SGO1: variants seen among roughly 807,000 people sequenced by gnomAD.
SGO1 encodes the protein serologically defined breast cancer antigen NY-BR-85.
In SGO1, 39 loss-of-function variants were observed where a neutral mutation model predicts 50.5. The ratio of observed to expected loss-of-function variants is 0.77; its 90% CI spans 0.60 to 1.01. The LOEUF is 1.01. SGO1 is among the 50% of genes least tolerant of loss of function. The pLI, the probability that SGO1 is intolerant of heterozygous loss-of-function variation, is 0.00. For missense variants in SGO1, 638 were observed against 606.0 expected (o/e 1.05, Z -0.55); for synonymous variants, 191 against 205.1 (o/e 0.93, Z 0.59).
upstream of SGO1, chr3:20,186,425 G>T (rs1434230735): frequency 6.6e-6 from 1 of 152,310 alleles, no homozygotes; most frequent in African/African-American, 2.4e-5. Flanking sequence ...AGAGTCGTGG[G>T]GATTTTACGG....
chr3:20,176,494 A>C (rs1701403278), intron 5 of SGO1, 107 bp downstream of exon 5: 1 of 713,026 alleles, frequency 1.4e-6, no homozygotes, highest in Non-Finnish European at 2.3e-6. Flanking sequence ...CAGATGAACA[A>C]ATTTAAAAAG....
intron 3 of SGO1, 101 bp from the exon 4 acceptor site, chr3:20,178,448 C>T: frequency 1.2e-6 from 1 of 831,222 alleles, no homozygotes; most frequent in South Asian, 1.5e-5. Context: ...TATCATGGTG[C>T]CATGCCATGG....
chr3:20,184,064 G>A, intron 1 of SGO1, 30 bp from the exon 2 acceptor site: 1 of 1,517,846 alleles, frequency 6.6e-7, no homozygotes, highest in Non-Finnish European at 8.8e-7. Context: ...TTTTCTCAGA[G>A]AGAATATTAT....
intron 4 of SGO1, 62 bp from the exon 5 acceptor site, chr3:20,176,721 T>G: frequency 9.1e-7 from 1 of 1,096,458 alleles, no homozygotes; most frequent in Admixed American, 2.5e-5. Flanking sequence ...AAATTCAGTA[T>G]TTTCCTAAAT....
downstream of SGO1, among the ~76,000 whole-genome samples, chr3:20,166,575 G>A (rs1700313474): frequency 6.6e-6 from 1 of 152,156 alleles, no homozygotes; most frequent in South Asian, 2.1e-4. Flanking sequence ...CAGAGGTTGG[G>A]AGAGAGGGGA....
chr3:20,175,729 G>A (rs1251056180), intron 5 of SGO1, among the ~76,000 whole-genome samples: 1 of 151,678 alleles, frequency 6.6e-6, no homozygotes. Context: ...AACCCAGGAG[G>A]CAGAGCTTGT....
exon 9 of SGO1, chr3:20,161,063 A>C: frequency 1.2e-6 from 2 of 1,612,710 alleles, no homozygotes; most frequent in South Asian, 2.2e-5. Flanking sequence ...TAGTGAATGC[A>C]TGGACTAAAA....
chr3:20,169,206 C>T, downstream of SGO1: 3 of 985,142 alleles, frequency 3.0e-6, no homozygotes, highest in Non-Finnish European at 3.6e-6. Flanking sequence ...AGGATTAGAA[C>T]AGTCCCTCAA....
At chr3:20,176,022 G>A (rs1701346908) in intron 5 of SGO1, among the ~76,000 whole-genome samples, 2 of 152,126 alleles carry the variant, frequency 1.3e-5, no homozygotes, top group Admixed American at 6.6e-5. Context: ...GAAAAGTGGG[G>A]CTATGTCTGG....
rs2125300665 is a variant in SGO1 at position 20,174,347 on chromosome 3, T to A, written c.1184A>T (p.Asn395Ile). ...TCKYIQNPTS[N>I]SDRPVTRPLA... ...AGGCCTGGTGACTGGTCTATCTGAA[T>A]TGCTCGTGGGATTCTGAATGTACTT... Residue 395 changes from asparagine to isoleucine, a missense_variant, in exon 6 of 8, where the codon AAT becomes ATT. Coordinates refer to ENST00000412997, the MANE Select transcript of SGO1 (RefSeq NM_001199251.3). 1 of 1,614,190 alleles carries A rather than the reference T, an allele frequency of 6.2e-7. No homozygotes were observed. The highest frequency in any genetic ancestry group is 8.5e-7 in the Non-Finnish European group (1 of 1,180,034).
At chr3:20,185,907 A>C (rs1249640008) in intron 1 of SGO1, 41 bp downstream of exon 1, 5 of 152,114 alleles carry the variant, frequency 3.3e-5, no homozygotes. Flanking sequence ...CTGAAAACCG[A>C]AGGGAAGTCA....
At chr3:20,184,804 A>G (rs116788825) in intron 1 of SGO1, among the ~76,000 whole-genome samples, 9,176 of 141,060 alleles carry the variant, frequency 0.065, 887 homozygotes, top group African/African-American at 0.22. Context: ...TATTAAATAC[A>G]TAACTATACT....
At position 20,176,672 on chromosome 3, in the gene SGO1, C is replaced by T. The variant is rs761902707; in HGVS notation, c.417-13G>A. The T allele has an allele frequency of 1.3e-6, 2 of 1,509,258 alleles. No homozygotes were observed. Among genetic ancestry groups the T allele is most frequent in the African/African-American group, 2.8e-5 (2 of 70,796 alleles). 93.5% of individuals were successfully genotyped at this position (1,509,258 alleles called of 1,614,324 possible). Reference sequence around the variant, plus strand: ...AAGAGGAATTTGCCTTAGAAAATACCAATGAAAAACAGAAATTTAACAATT... The same window carrying T: ...AAGAGGAATTTGCCTTAGAAAATACTAATGAAAAACAGAAATTTAACAATT... On this transcript the variant is annotated splice_polypyrimidine_tract_variant and intron_variant, in intron 4 of 7. Transcript: ENST00000412997.
upstream of SGO1, chr3:20,186,760 C>T (rs1049171439): frequency 6.6e-6 from 1 of 152,216 alleles, no homozygotes; most frequent in African/African-American, 2.4e-5. Context: ...CACCAACATC[C>T]ATCCAGTTAC....
downstream of SGO1, among the ~76,000 whole-genome samples, chr3:20,166,457 T>C (rs543950757): frequency 3.9e-5 from 6 of 152,320 alleles, no homozygotes; most frequent in South Asian, 2.1e-4. Flanking sequence ...CTTGCGATTA[T>C]TATGCTAACT....
At chr3:20,161,915 A>G (rs1222553924) in intron 8 of SGO1, among the ~76,000 whole-genome samples, 1 of 152,220 alleles carries the variant, frequency 6.6e-6, no homozygotes, top group Non-Finnish European at 1.5e-5. Context: ...AAATTGTGCA[A>G]TAGCTAGTAT....
In SGO1 at chr3:20,174,537, T is replaced by C; in HGVS notation, c.994A>G (p.Asn332Asp). 6.2e-7 allele frequency: 1 copy of C among 1,613,612 alleles called. No homozygotes were observed. Among genetic ancestry groups the C allele is most frequent in the Non-Finnish European group, 8.5e-7 (1 of 1,179,906 alleles). ...TCCAAATTAAAATTGTAAGCATCAT[T>C]GGAACTGACAGATTTGTGCATTTTT... ...QKKMHKSVSSNDAYNFNLEEG... is the reference protein window; with the variant it reads ...QKKMHKSVSSDDAYNFNLEEG... The change falls in exon 6 of 8, where the codon AAT becomes GAT. Residue 332 changes from asparagine to aspartate, a missense_variant. By Grantham distance (23) the Asn-to-Asp change is conservative (BLOSUM62 1). Transcript: ENST00000412997.
At chr3:20,177,354 T>C (rs1701512996) in intron 4 of SGO1, 1 of 147,968 alleles carries the variant, frequency 6.8e-6, no homozygotes, top group South Asian at 2.1e-4. Flanking sequence ...GTACAACAGT[T>C]TAAAAACTAC....
upstream of SGO1, chr3:20,186,341 A>G (rs1575274747): frequency 1.3e-5 from 2 of 152,312 alleles, no homozygotes; most frequent in South Asian, 2.1e-4. Context: ...GCTCAAGTCC[A>G]CATCCGGGCA....
Sources: allele counts gnomAD v4.1 joint callset (sites outside exome capture counted in the v4.1 genomes callset), GRCh38; gene constraint gnomAD v4.1.1; transcripts MANE v1.5; gene names NCBI Gene and HGNC (gene_info 2026-07-23, HGNC 2026-07-21).